The following TNR variants were observed in gnomAD, a reference collection of about 807,000 sequenced individuals.
TNR encodes tenascin R, also known as tenascin-R.
A neutral mutation model predicts 150.4 loss-of-function variants in TNR; 45 were observed. That is an observed-to-expected ratio of 0.30 (90% CI 0.24 to 0.38). TNR has a LOEUF of 0.38. Among genes scored for constraint, TNR ranks in the 10% least tolerant of loss-of-function variants. The pLI, the probability that TNR is intolerant of heterozygous loss-of-function variation, is 1.00. For synonymous variants in TNR, 687 were observed against 678.4 expected (o/e 1.01, Z -0.20); for missense variants, 1,544 against 1,759.1 (o/e 0.88, Z 2.19).
chr1:175,396,695 G>C lies in TNR; in HGVS notation c.1089C>G (p.Ala363=). ...GCTGCTGGAGCTGGAGGCCCCCCAG[G>C]GCCGTCGGCTGGTAAGAGATCACAT... is the stretch of plus-strand genomic sequence containing the variant. ...TEYVISYQPT[A]LGGLQLQQRV... The change falls in exon 5 of 23, where the codon GCC becomes GCG. Residue 363 remains alanine (A), a synonymous_variant. Transcript: ENST00000367674. 1 of 1,614,208 alleles carries C rather than the reference G, an allele frequency of 6.2e-7. No individual in the cohort carries two copies.
chr1:175,618,304 T>A (rs1029143155), intron 1 of TNR, among the ~76,000 whole-genome samples: 1 of 152,212 alleles, frequency 6.6e-6, no homozygotes, highest in African/African-American at 2.4e-5. Flanking sequence ...CATGTGATTA[T>A]ATCTCTGGCC....
intron 1 of TNR, among the ~76,000 whole-genome samples, chr1:175,739,661 T>C (rs2101961641): frequency 6.6e-6 from 1 of 152,332 alleles, no homozygotes; most frequent in East Asian, 1.9e-4. Flanking sequence ...TGCATAGAGC[T>C]ATGTTGGTAC....
At chr1:175,711,604 C>A (rs1241124905) in intron 1 of TNR, among the ~76,000 whole-genome samples, 1 of 152,068 alleles carries the variant, frequency 6.6e-6, no homozygotes, top group Non-Finnish European at 1.5e-5. Context: ...AGGGCAGGAG[C>A]GAGGGACTGG....
At chr1:175,641,951 A>T (rs561686147) in intron 1 of TNR, among the ~76,000 whole-genome samples, 2 of 152,322 alleles carry the variant, frequency 1.3e-5, no homozygotes, top group East Asian at 3.9e-4. Flanking sequence ...AATAGGTGTT[A>T]GATACTGTTA....
rs780933355 is a variant in TNR, at chr1:175,533,638, TGACA to T, written c.-164-5273_-164-5270del. Among the ~76,000 whole-genome samples, 18 of 152,352 alleles carry T rather than the reference TGACA, an allele frequency of 1.2e-4. No individual in the cohort carries two copies. In the East Asian group the frequency reaches 2.7e-3, roughly 23 times the overall value. On this transcript the variant is annotated intron_variant, in intron 1 of 22. Coordinates refer to ENST00000367674, the MANE Select transcript of TNR (RefSeq NM_003285.3). ...TGGAGGTGCTGGTGTCTGGAATATC[TGACA>T]GACAGAGTCCATAATTATCTTTTAT...
At chr1:175,355,081 G>C (rs1482411510) in intron 17 of TNR, among the ~76,000 whole-genome samples, 1 of 152,112 alleles carries the variant, frequency 6.6e-6, no homozygotes, top group Non-Finnish European at 1.5e-5. Context: ...ATTGAATTTG[G>C]TATCCAGCTC....
chr1:175,396,864 G>A, intron 4 of TNR, 57 bp from the exon 5 acceptor site: 1 of 1,568,950 alleles, frequency 6.4e-7, no homozygotes, highest in Non-Finnish European at 8.7e-7. Flanking sequence ...TCCCCATCCT[G>A]GACTCAACTT....
At chr1:175,337,310 G>C (rs1296296741) in intron 19 of TNR, among the ~76,000 whole-genome samples, 2 of 152,172 alleles carry the variant, frequency 1.3e-5, no homozygotes, top group Non-Finnish European at 2.9e-5. Flanking sequence ...TCCTCCTTCT[G>C]TGAGGACAGA....
intron 2 of TNR, among the ~76,000 whole-genome samples, chr1:175,410,910 C>T (rs926502103): frequency 5.3e-5 from 8 of 152,164 alleles, no homozygotes; most frequent in Non-Finnish European, 7.3e-5. Flanking sequence ...TTTCCCACCA[C>T]GTAACCTACC....
At chr1:175,432,761 C>T (rs538856829) in intron 2 of TNR, among the ~76,000 whole-genome samples, 12 of 152,160 alleles carry the variant, frequency 7.9e-5, no homozygotes, top group Non-Finnish European at 1.2e-4. Context: ...TAAATGGAGC[C>T]GAGACTGCTG....
intron 1 of TNR, among the ~76,000 whole-genome samples, chr1:175,583,456 A>C (rs561806592): frequency 1.3e-5 from 2 of 152,302 alleles, no homozygotes; most frequent in Admixed American, 6.5e-5. Context: ...GCCGGCTGCC[A>C]AGGTCATGCA....
chr1:175,629,458 G>C (rs1353497338), intron 1 of TNR, among the ~76,000 whole-genome samples: 2 of 152,164 alleles, frequency 1.3e-5, no homozygotes, highest in Admixed American at 1.3e-4. Flanking sequence ...CAATTAAACA[G>C]CCAGTGCGTG....
chr1:175,417,063 G>GAAATAAATAAAT (rs1301551880), intron 2 of TNR, among the ~76,000 whole-genome samples: 1 of 131,188 alleles, frequency 7.6e-6, no homozygotes, highest in African/African-American at 2.8e-5. Flanking sequence ...AAGAAAGAAA[G>GAAATAAATAAAT]AAAGAAAGAA....
At chr1:175,585,954 A>G (rs1434868799) in intron 1 of TNR, among the ~76,000 whole-genome samples, 1 of 152,232 alleles carries the variant, frequency 6.6e-6, no homozygotes, top group African/African-American at 2.4e-5. Context: ...CTAAGCACTG[A>G]GGTGTGCCAA....
At chr1:175,458,978 C>T (rs1011578011) in intron 2 of TNR, among the ~76,000 whole-genome samples, 1 of 151,836 alleles carries the variant, frequency 6.6e-6, no homozygotes, top group Admixed American at 6.6e-5. Flanking sequence ...ACCACGTTAA[C>T]CACACAACCA....
chr1:175,368,480 G>A (rs1357650816), intron 9 of TNR, among the ~76,000 whole-genome samples: 5 of 152,160 alleles, frequency 3.3e-5, no homozygotes, highest in African/African-American at 4.8e-5. Context: ...GGTCCCACCT[G>A]GATAGTACAG....
At chr1:175,579,232 C>A (rs566723559) in intron 1 of TNR, among the ~76,000 whole-genome samples, 62 of 151,282 alleles carry the variant, frequency 4.1e-4, no homozygotes, top group African/African-American at 1.4e-3. Flanking sequence ...TTCTTGCCTG[C>A]CTACCTGCCT....
intron 2 of TNR, among the ~76,000 whole-genome samples, chr1:175,505,457 CAGG>C (rs1187957507): frequency 6.6e-6 from 1 of 152,200 alleles, no homozygotes; most frequent in African/African-American, 2.4e-5. Context: ...GGGCTTTTTC[CAGG>C]AGGTCAGCAA....
intron 1 of TNR, among the ~76,000 whole-genome samples, chr1:175,627,629 G>A (rs1664194465): frequency 1.3e-5 from 2 of 152,166 alleles, no homozygotes; most frequent in Non-Finnish European, 2.9e-5. Context: ...ACCAGGCTTA[G>A]AACTTGATAG....
Sources: allele counts gnomAD v4.1 joint callset (sites outside exome capture counted in the v4.1 genomes callset), GRCh38; gene constraint gnomAD v4.1.1; transcripts MANE v1.5; gene names NCBI Gene and HGNC (gene_info 2026-07-23, HGNC 2026-07-21).